The following SLC30A6 variants were observed in gnomAD, a reference collection of about 807,000 sequenced individuals.
The protein encoded by SLC30A6 is zinc transporter 6.
In SLC30A6, 55 loss-of-function variants were observed where a neutral mutation model predicts 63.0. That is an observed-to-expected ratio of 0.87 (90% CI 0.70 to 1.09). The LOEUF is 1.09. Ranked by LOEUF, SLC30A6 falls within the 50% of genes least tolerant of loss-of-function variation. The pLI is 0.00. For synonymous variants in SLC30A6, 224 were observed against 186.1 expected (o/e 1.20, Z -1.66); for missense variants, 587 against 549.2 (o/e 1.07, Z -0.69).
At chr2:32,196,247 G>T (rs376541109) in intron 8 of SLC30A6, among the ~76,000 whole-genome samples, 1 of 151,976 alleles carries the variant, frequency 6.6e-6, no homozygotes, top group Non-Finnish European at 1.5e-5. Context: ...CCCGGTAGGC[G>T]GAGGTTGCAG....
intron 10 of SLC30A6, among the ~76,000 whole-genome samples, chr2:32,201,087 GTCAC>G (rs1180426208): frequency 6.6e-6 from 1 of 152,154 alleles, no homozygotes; most frequent in Non-Finnish European, 1.5e-5. Flanking sequence ...CAGGAGCCTT[GTCAC>G]TCAATCTTTT....
In SLC30A6 at chr2:32,200,010, G is replaced by A. The variant is rs182510862; in HGVS notation, c.665+2184G>A. On this transcript the variant is annotated intron_variant, in intron 10 of 13. Coordinates refer to ENST00000282587, the MANE Select transcript of SLC30A6 (RefSeq NM_017964.5). Reference sequence around the variant, plus strand: ...CACACCTGTAATCCCAACCACCTGGGAGGCTGAAGCAGGAGAATCGCTTGA... The same window carrying A: ...CACACCTGTAATCCCAACCACCTGGAAGGCTGAAGCAGGAGAATCGCTTGA... Among the ~76,000 whole-genome samples the A allele has an allele frequency of 4.4e-3, 676 of 152,090 alleles. 5 individuals are homozygous for A. The highest frequency in any genetic ancestry group is 0.01 in the Middle Eastern group (3 of 294).
intron 7 of SLC30A6, 77 bp from the exon 8 acceptor site, chr2:32,193,812 T>A: frequency 2.7e-6 from 3 of 1,120,116 alleles, no homozygotes; most frequent in Non-Finnish European, 4.0e-6. Flanking sequence ...CACCTCTTAG[T>A]CCCTCTACGT....
At chr2:32,188,338 A>G (rs1383106709) in intron 5 of SLC30A6, among the ~76,000 whole-genome samples, 1 of 152,218 alleles carries the variant, frequency 6.6e-6, no homozygotes, top group Admixed American at 6.5e-5. Flanking sequence ...TCAGACTACT[A>G]TAATTCTCTG....
rs780981311 is a variant in SLC30A6 at position 32,197,437 on chromosome 2, A to G, written c.545+45A>G. The G allele has an allele frequency of 1.6e-5, 24 of 1,545,856 alleles. No individual in the cohort carries two copies. In the East Asian group the frequency reaches 4.7e-4, roughly 30 times the overall value. On this transcript the variant is annotated intron_variant, in intron 9 of 13. Transcript: ENST00000282587. ...CATGATATGCATAATTTAAAGGAAT[A>G]CACAAGAAATGCATCTATCATGGGA...
chr2:32,199,724 T>C (rs1435935299), intron 10 of SLC30A6, among the ~76,000 whole-genome samples: 2 of 152,178 alleles, frequency 1.3e-5, no homozygotes, highest in African/African-American at 2.4e-5. Context: ...GGAACTCCAG[T>C]GCATCATTAA....
In SLC30A6 at chr2:32,213,319, T is replaced by G. The variant is rs961314200; in HGVS notation, c.885+3758T>G. ...ATATGGAGCTTTTTTTTTTTTTTTTTGGAGGGGAGCTTTGCCTGGTTACTT... is the reference window on the plus strand; with the variant it reads ...ATATGGAGCTTTTTTTTTTTTTTTTGGGAGGGGAGCTTTGCCTGGTTACTT... On this transcript the variant is annotated intron_variant, in intron 13 of 13. Transcript: ENST00000282587. Among the ~76,000 whole-genome samples, 17 of 118,544 alleles carry G rather than the reference T, an allele frequency of 1.4e-4. 2 individuals carry two copies. Among genetic ancestry groups the G allele is most frequent in the South Asian group, 2.6e-4 (1 of 3,912 alleles). 77.8% of individuals were successfully genotyped at this position (118,544 alleles called of 152,430 possible). A position where few individuals can be genotyped will look rare whatever the true frequency, so the allele number is the denominator to read the frequency against.
intron 13 of SLC30A6, among the ~76,000 whole-genome samples, chr2:32,215,516 A>ATATAT (rs757005665): frequency 8.3e-5 from 11 of 132,504 alleles, no homozygotes; most frequent in African/African-American, 2.0e-4. Context: ...ATATATATAT[A>ATATAT]TTTTTTTTTT....
chr2:32,186,094 G>A (rs1473354822), intron 5 of SLC30A6, among the ~76,000 whole-genome samples: 2 of 151,968 alleles, frequency 1.3e-5, no homozygotes, highest in African/African-American at 4.8e-5. Flanking sequence ...AAGTGAAGTG[G>A]TGTGATCTTG....
At chr2:32,198,359 G>C (rs1195441698) in intron 10 of SLC30A6, among the ~76,000 whole-genome samples, 1 of 152,120 alleles carries the variant, frequency 6.6e-6, no homozygotes, top group Admixed American at 6.5e-5. Flanking sequence ...TGCTACTTCT[G>C]TGGGATTCCT....
chr2:32,218,158 C>T (rs992538261), intron 13 of SLC30A6, among the ~76,000 whole-genome samples: 7 of 152,058 alleles, frequency 4.6e-5, no homozygotes, highest in Admixed American at 1.3e-4. Context: ...TGGTGGCTCA[C>T]GCCCGTAATC....
rs1381398611 is a variant in SLC30A6, at chr2:32,224,245, G to GT, written c.*3533dup. ...TAATATGCATTCAGTATACCAGTTG[G>GT]TGTGACCCAGACCAAAGGTAACACA... is the stretch of plus-strand genomic sequence containing the variant. On this transcript the variant is annotated 3_prime_UTR_variant, in exon 14 of 14. Transcript: ENST00000282587. The GT allele has an allele frequency of 2.2e-6, 1 of 460,866 alleles. No individual in the cohort carries two copies. The highest frequency in any genetic ancestry group is 3.4e-5 in the East Asian group (1 of 29,058). The allele number at this position is 460,866 out of a possible 1,614,324, so 28.5% of individuals were successfully genotyped here. A position where few individuals can be genotyped will look rare whatever the true frequency, so the allele number is the denominator to read the frequency against.
intron 3 of SLC30A6, 132 bp downstream of exon 3, chr2:32,174,279 A>C: frequency 1.8e-6 from 1 of 551,418 alleles, no homozygotes; most frequent in Non-Finnish European, 3.0e-6. Context: ...ATAAGGGACT[A>C]TATTTAAAAC....
chr2:32,203,416 T>A, intron 10 of SLC30A6: 3 of 1,347,514 alleles, frequency 2.2e-6, no homozygotes, highest in Non-Finnish European at 3.2e-6. Context: ...CTGTTTCTTA[T>A]GCTGCTGTTG....
chr2:32,171,272 A>G lies in SLC30A6; in HGVS notation c.4-15A>G, dbSNP rs961431840. On this transcript the variant is annotated splice_polypyrimidine_tract_variant and intron_variant, in intron 1 of 13. Transcript: ENST00000282587. ...TAAATATCTAAATGCTGATTTGTAT[A>G]TGTTTGTTTGAAAGGGGACAATTCA... The G allele has an allele frequency of 1.3e-5, 21 of 1,605,994 alleles. No homozygotes were observed. Among genetic ancestry groups the G allele is most frequent in the Middle Eastern group, 1.6e-4 (1 of 6,066 alleles).
chr2:32,210,438 C>T (rs1469524760), intron 13 of SLC30A6, among the ~76,000 whole-genome samples: 3 of 146,540 alleles, frequency 2.0e-5, no homozygotes, highest in African/African-American at 7.6e-5. Context: ...TCTCTTGAAC[C>T]CGGGAGGCAG....
In SLC30A6 at chr2:32,197,405, G is replaced by A. The variant is rs1683889272; in HGVS notation, c.545+13G>A. On this transcript the variant is annotated intron_variant, in intron 9 of 13. Transcript: ENST00000282587. ...ATCTTAGTCGAAGGTAAGATGTTAT[G>A]GAGTTTCATGATATGCATAATTTAA... The A allele has an allele frequency of 6.2e-7, 1 of 1,609,460 alleles. No individual in the cohort carries two copies. Among genetic ancestry groups the A allele is most frequent in the African/African-American group, 1.3e-5 (1 of 74,934 alleles).
intron 12 of SLC30A6, among the ~76,000 whole-genome samples, chr2:32,208,418 A>G (rs1684969258): frequency 1.3e-5 from 2 of 152,272 alleles, no homozygotes; most frequent in Admixed American, 1.3e-4. Flanking sequence ...GGCATGAGCC[A>G]CTGTGCCCAG....
In SLC30A6 at chr2:32,219,089, G is replaced by A. The variant is rs187322051; in HGVS notation, c.886-1124G>A. On this transcript the variant is annotated intron_variant, in intron 13 of 13. Coordinates refer to ENST00000282587, the MANE Select transcript of SLC30A6 (RefSeq NM_017964.5). The stretch of plus-strand genomic sequence containing the variant: ...TCTTCTCTTCCCATGCTGGGAGTGC[G>A]ATGGCGTGATCTCGGCTCACTGCAA... 2.0e-3 allele frequency among the ~76,000 whole-genome samples: 306 copies of A among 151,888 alleles called. 2 individuals are homozygous for A. Among genetic ancestry groups the A allele is most frequent in the African/African-American group, 6.8e-3 (281 of 41,426 alleles).
Sources: gnomAD v4.1 joint callset for allele counts (sites outside exome capture counted in the v4.1 genomes callset) on GRCh38, gnomAD v4.1.1 for gene constraint, MANE v1.5 for transcripts, NCBI Gene and HGNC (gene_info 2026-07-23, HGNC 2026-07-21) for gene names.